RBFOX1: variants seen among roughly 807,000 people sequenced by gnomAD.
The protein encoded by RBFOX1 is RNA binding fox-1 homolog 1.
A neutral mutation model predicts 57.7 loss-of-function variants in RBFOX1; 8 were observed. The observed-to-expected ratio is 0.14, with a 90% CI of 0.08 to 0.25. The LOEUF (loss-of-function observed/expected upper bound fraction) is 0.25. Among genes scored for constraint, RBFOX1 ranks in the 10% least tolerant of loss-of-function variants. The pLI is 1.00. For missense variants in RBFOX1, 611 were observed against 548.5 expected (o/e 1.11, Z -1.14); for synonymous variants, 326 against 222.4 (o/e 1.47, Z -4.15).
At chr16:5,957,151 G>A (rs1391035183) in intron 4 of RBFOX1, among the ~76,000 whole-genome samples, 1 of 152,138 alleles carries the variant, frequency 6.6e-6, no homozygotes, top group Non-Finnish European at 1.5e-5. Context: ...ATGTCTACCT[G>A]AACAAGTTCT....
intron 1 of RBFOX1, among the ~76,000 whole-genome samples, chr16:6,311,340 G>T (rs1232861033): frequency 2.7e-5 from 4 of 150,020 alleles, no homozygotes; most frequent in Admixed American, 1.3e-4. Flanking sequence ...ATTGGCTTTT[G>T]GGTTTTGTTC....
intron 3 of RBFOX1, among the ~76,000 whole-genome samples, chr16:6,950,585 C>T (rs1215838350): frequency 6.6e-6 from 1 of 152,082 alleles, no homozygotes; most frequent in Non-Finnish European, 1.5e-5. Context: ...ATTTCCATAG[C>T]ATTAAGATAA....
At chr16:7,092,933 A>C (rs544622412) in intron 4 of RBFOX1, among the ~76,000 whole-genome samples, 2 of 152,154 alleles carry the variant, frequency 1.3e-5, no homozygotes, top group South Asian at 2.1e-4. Context: ...TTTCCAAGTT[A>C]GTTGACGCAT....
chr16:6,265,360 C>G (rs925433925), intron 1 of RBFOX1, among the ~76,000 whole-genome samples: 1 of 152,076 alleles, frequency 6.6e-6, no homozygotes, highest in South Asian at 2.1e-4. Flanking sequence ...CTCCCAAGTT[C>G]AAGTGATTCT....
intron 4 of RBFOX1, among the ~76,000 whole-genome samples, chr16:7,098,781 G>T (rs1270382822): frequency 6.6e-6 from 1 of 152,008 alleles, no homozygotes; most frequent in Non-Finnish European, 1.5e-5. Flanking sequence ...GAGACCCTGT[G>T]TCTATCTTTA....
chr16:5,502,201 C>T (rs2043221613), intron 2 of RBFOX1, among the ~76,000 whole-genome samples: 1 of 152,092 alleles, frequency 6.6e-6, no homozygotes, highest in South Asian at 2.1e-4. Flanking sequence ...GGCATGGAGG[C>T]AGCAGCTTTG....
chr16:7,506,184 CAAAAAAAAAAAAAAAAAAA>C (rs552568132), intron 4 of RBFOX1, among the ~76,000 whole-genome samples: 1 of 49,942 alleles, frequency 2.0e-5, no homozygotes. Flanking sequence ...GACTCTGTCT[CAAAAAAAAAAAAAAAAAAA>C]AAAAAAAAAA....
At chr16:7,478,088 C>A (rs775023378) in intron 4 of RBFOX1, among the ~76,000 whole-genome samples, 1 of 152,058 alleles carries the variant, frequency 6.6e-6, no homozygotes, top group Non-Finnish European at 1.5e-5. Context: ...ACTTGCAACC[C>A]GATGATTAAG....
chr16:7,295,720 T>C (rs2095875626), intron 4 of RBFOX1, among the ~76,000 whole-genome samples: 1 of 152,112 alleles, frequency 6.6e-6, no homozygotes, highest in Admixed American at 6.5e-5. Flanking sequence ...GTTTGAGGCA[T>C]ACCCACATAT....
chr16:7,387,847 C>G (rs1406414539), intron 4 of RBFOX1, among the ~76,000 whole-genome samples: 1 of 151,896 alleles, frequency 6.6e-6, no homozygotes, highest in Non-Finnish European at 1.5e-5. Context: ...CTCTGGAATT[C>G]TTTGATTATT....
chr16:7,034,076 G>T (rs6500900), intron 3 of RBFOX1, among the ~76,000 whole-genome samples: 9 of 152,314 alleles, frequency 5.9e-5, no homozygotes, highest in Admixed American at 4.6e-4. Context: ...TGGGGACGCG[G>T]TGGTGCAGGT....
intron 1 of RBFOX1, among the ~76,000 whole-genome samples, chr16:5,293,249 G>T (rs534609530): frequency 6.6e-6 from 1 of 152,102 alleles, no homozygotes; most frequent in Non-Finnish European, 1.5e-5. Context: ...TTGAACCTGG[G>T]AGGTGGAGGT....
At chr16:5,822,267 CT>C (rs1159565374) in intron 3 of RBFOX1, among the ~76,000 whole-genome samples, 1 of 152,106 alleles carries the variant, frequency 6.6e-6, no homozygotes, top group Non-Finnish European at 1.5e-5. Flanking sequence ...ATACAATAGA[CT>C]TTGGGGACTT....
intron 1 of RBFOX1, among the ~76,000 whole-genome samples, chr16:5,464,535 A>G (rs532839403): frequency 6.6e-6 from 1 of 152,332 alleles, no homozygotes; most frequent in African/African-American, 2.4e-5. Flanking sequence ...CAGGGGACCA[A>G]GGGTCCTTGC....
At chr16:6,477,350 C>G (rs369236097) in intron 2 of RBFOX1, among the ~76,000 whole-genome samples, 2 of 152,120 alleles carry the variant, frequency 1.3e-5, no homozygotes, top group Non-Finnish European at 2.9e-5. Flanking sequence ...AAAATTATTC[C>G]TTGATCCATT....
chr16:7,426,443 C>T (rs538185926), intron 4 of RBFOX1, among the ~76,000 whole-genome samples: 6 of 152,292 alleles, frequency 3.9e-5, no homozygotes, highest in African/African-American at 1.4e-4. Context: ...ATGCATTAGC[C>T]CAGCTCTTAG....
intron 1 of RBFOX1, among the ~76,000 whole-genome samples, chr16:6,219,506 G>A (rs62016050): frequency 0.18 from 26,983 of 152,072 alleles, 2,733 homozygotes; most frequent in Middle Eastern, 0.32. Flanking sequence ...TGATCCAGTC[G>A]TGGTCTTTTC....
chr16:7,082,383 C>T (rs1019459538), intron 4 of RBFOX1, among the ~76,000 whole-genome samples: 3 of 151,812 alleles, frequency 2.0e-5, no homozygotes, highest in African/African-American at 7.3e-5. Flanking sequence ...GAGTTTGAGA[C>T]CAGCTTGGGA....
chr16:6,143,265 A>G (rs1487387489), intron 1 of RBFOX1, among the ~76,000 whole-genome samples: 1 of 152,196 alleles, frequency 6.6e-6, no homozygotes, highest in East Asian at 1.9e-4. Flanking sequence ...CAGAGTTGAG[A>G]GCTGAGTTTT....
Sources: allele counts gnomAD v4.1 joint callset (sites outside exome capture counted in the v4.1 genomes callset), GRCh38; gene constraint gnomAD v4.1.1; transcripts MANE v1.5; gene names NCBI Gene and HGNC (gene_info 2026-07-23, HGNC 2026-07-21).